COL21A1: variants seen among roughly 807,000 people sequenced by gnomAD.
COL21A1 encodes the protein collagen alpha-1(XXI) chain.
COL21A1 carries 149 observed loss-of-function variants against 137.9 expected under a neutral mutation model. The observed-to-expected ratio is 1.08, with a 90% CI of 0.95 to 1.24. The LOEUF (loss-of-function observed/expected upper bound fraction) is 1.24. COL21A1 is among the 50% of genes most tolerant of loss of function. The probability of loss-of-function intolerance (pLI) is 0.00; values close to 1 mark genes in which losing one functional copy is unlikely to be tolerated. For synonymous variants in COL21A1, 456 were observed against 391.5 expected (o/e 1.16, Z -1.95); for missense variants, 1,167 against 1,158.4 (o/e 1.01, Z -0.11).
At chr6:56,153,979 T>C (rs1444004534) in intron 10 of COL21A1, among the ~76,000 whole-genome samples, 1 of 152,172 alleles carries the variant, frequency 6.6e-6, no homozygotes, top group Non-Finnish European at 1.5e-5. Context: ...CTCCAACCTG[T>C]CCAAAAATAT....
intron 1 of COL21A1, among the ~76,000 whole-genome samples, chr6:56,226,231 T>C (rs1278651805): frequency 6.6e-6 from 1 of 151,876 alleles, no homozygotes; most frequent in Non-Finnish European, 1.5e-5. Flanking sequence ...GTCAGGTGTA[T>C]ACCAAAAAAA....
At chr6:56,266,057 A>G (rs1763384452) in intron 1 of COL21A1, among the ~76,000 whole-genome samples, 1 of 152,246 alleles carries the variant, frequency 6.6e-6, no homozygotes, top group Non-Finnish European at 1.5e-5. Flanking sequence ...ACTCTGGGTA[A>G]CCAGTAGCCT....
intron 1 of COL21A1, among the ~76,000 whole-genome samples, chr6:56,184,622 A>G (rs77213715): frequency 0.019 from 2,915 of 152,300 alleles, 29 homozygotes; most frequent in Non-Finnish European, 0.028. Flanking sequence ...AAGAAGACAC[A>G]TTGTTTTGTA....
chr6:56,318,923 A>AACAC (rs144220844), intron 1 of COL21A1, among the ~76,000 whole-genome samples: 21 of 148,682 alleles, frequency 1.4e-4, no homozygotes, highest in African/African-American at 3.2e-4. Context: ...CCTCCCCCCA[A>AACAC]ACACACACAC....
chr6:56,165,432 A>T (rs1322202350), intron 7 of COL21A1, among the ~76,000 whole-genome samples: 1 of 152,226 alleles, frequency 6.6e-6, no homozygotes, highest in Non-Finnish European at 1.5e-5. Flanking sequence ...GGAGAATTCA[A>T]AATCAGCTAT....
chr6:56,201,480 C>T (rs948171411), intron 1 of COL21A1, among the ~76,000 whole-genome samples: 1 of 152,040 alleles, frequency 6.6e-6, no homozygotes, highest in African/African-American at 2.4e-5. Context: ...TTAATTTTTG[C>T]ATAAGGTGTA....
At chr6:56,061,920 A>C (rs1765832993) in intron 24 of COL21A1, among the ~76,000 whole-genome samples, 1 of 152,130 alleles carries the variant, frequency 6.6e-6, no homozygotes. Flanking sequence ...TTAGATATGA[A>C]TATTTTCAAA....
Position 56,179,696 on chromosome 6 carries a change from T to C in COL21A1, c.522A>G (p.Thr174=), listed in dbSNP as rs753300765. ...CAATAGCTCTAAGTTCGGCATCTTCTGTTTCTGAACCAACACCAATAGCAA... is the reference window on the plus strand; with the variant it reads ...CAATAGCTCTAAGTTCGGCATCTTCCGTTTCTGAACCAACACCAATAGCAA... ...TLFAIGVGSE[T]EDAELRAIAN... Residue 174 remains threonine, a synonymous_variant, in exon 3 of 30, where the codon ACA becomes ACG. Coordinates refer to ENST00000244728, the MANE Select transcript of COL21A1 (RefSeq NM_030820.4). 2 of 1,613,922 alleles carry C rather than the reference T, an allele frequency of 1.2e-6. No homozygotes were observed. The highest frequency in any genetic ancestry group is 2.2e-5 in the East Asian group (1 of 44,898).
At chr6:56,061,606 C>G (rs376969126) in intron 25 of COL21A1, 43 bp downstream of exon 25, 1 of 1,445,106 alleles carries the variant, frequency 6.9e-7, no homozygotes, top group African/African-American at 1.4e-5. Context: ...CAAAAAGGAC[C>G]GAAGAAAGAG....
intron 16 of COL21A1, among the ~76,000 whole-genome samples, chr6:56,109,959 A>C (rs1247681732): frequency 6.6e-6 from 1 of 152,034 alleles, no homozygotes; most frequent in East Asian, 1.9e-4. Context: ...TGACACTAAC[A>C]CTACACAAAT....
intron 1 of COL21A1, among the ~76,000 whole-genome samples, chr6:56,204,530 G>A (rs1779629503): frequency 6.6e-6 from 1 of 152,162 alleles, no homozygotes; most frequent in Admixed American, 6.6e-5. Flanking sequence ...GAGCACCAGG[G>A]GGAAGTGGAG....
At chr6:56,137,024 C>T (rs1440666721) in intron 12 of COL21A1, among the ~76,000 whole-genome samples, 1 of 152,110 alleles carries the variant, frequency 6.6e-6, no homozygotes, top group Non-Finnish European at 1.5e-5. Flanking sequence ...TGAAAAACTA[C>T]TCTGGCCAAA....
chr6:56,343,940 T>C lies in COL21A1; in HGVS notation c.-39+50031A>G, dbSNP rs368623079. ...CAGCCTGGGTGACAAAGAAAGACACTGTCTCACACACACAAAAATGTAAAC... is the reference window on the plus strand; with the variant it reads ...CAGCCTGGGTGACAAAGAAAGACACCGTCTCACACACACAAAAATGTAAAC... On this transcript the variant is annotated intron_variant, in intron 1 of 28. Coordinates refer to the COL21A1 transcript ENST00000370819. Among the ~76,000 whole-genome samples the C allele has an allele frequency of 1.1e-3, 168 of 152,248 alleles. 1 individual carries two copies. The highest frequency in any genetic ancestry group is 4.0e-3 in the African/African-American group (165 of 41,546).
chr6:56,235,482 C>T (rs1781841840), intron 1 of COL21A1, among the ~76,000 whole-genome samples: 3 of 151,938 alleles, frequency 2.0e-5, no homozygotes, highest in Non-Finnish European at 4.4e-5. Context: ...GAACACTCTG[C>T]AGTGCTTGCT....
At chr6:56,375,164 G>C (rs1338290855) in intron 1 of COL21A1, among the ~76,000 whole-genome samples, 1 of 152,172 alleles carries the variant, frequency 6.6e-6, no homozygotes. Flanking sequence ...ACCGAGAAAG[G>C]AAAAGTATGA....
chr6:56,179,020 T>G (rs572654336), intron 3 of COL21A1, among the ~76,000 whole-genome samples: 1 of 131,254 alleles, frequency 7.6e-6, no homozygotes, highest in East Asian at 2.5e-4. Flanking sequence ...CAGGAAAAAT[T>G]TAAAATAAAT....
intron 1 of COL21A1, among the ~76,000 whole-genome samples, chr6:56,333,014 T>C (rs1765265135): frequency 6.6e-6 from 1 of 152,094 alleles, no homozygotes; most frequent in Non-Finnish European, 1.5e-5. Context: ...TTTCATTAAA[T>C]CTATTAACCT....
At chr6:56,143,926 G>A (rs2152240281) in intron 10 of COL21A1, among the ~76,000 whole-genome samples, 1 of 152,288 alleles carries the variant, frequency 6.6e-6, no homozygotes, top group South Asian at 2.1e-4. Context: ...AATGAATCAT[G>A]TTATGTTTGT....
intron 1 of COL21A1, chr6:56,276,818 T>G (rs918922388): frequency 1.2e-6 from 1 of 814,042 alleles, no homozygotes; most frequent in African/African-American, 1.8e-5. Flanking sequence ...TTTTTTTTGT[T>G]TTTTTTTTGA....
Sources: allele counts gnomAD v4.1 joint callset (sites outside exome capture counted in the v4.1 genomes callset), GRCh38; gene constraint gnomAD v4.1.1; transcripts MANE v1.5; gene names NCBI Gene and HGNC (gene_info 2026-07-23, HGNC 2026-07-21).